MLLT1: variants seen among roughly 807,000 people sequenced by gnomAD.
MLLT1 encodes the protein protein ENL.
MLLT1 carries 11 observed loss-of-function variants against 55.1 expected under a neutral mutation model. The ratio of observed to expected loss-of-function variants is 0.20; its 90% CI spans 0.13 to 0.33. The LOEUF (loss-of-function observed/expected upper bound fraction) is 0.33. Among genes scored for constraint, MLLT1 ranks in the 10% least tolerant of loss-of-function variants. The pLI, the probability that MLLT1 is intolerant of heterozygous loss-of-function variation, is 1.00. For missense variants in MLLT1, 536 were observed against 760.6 expected (o/e 0.70, Z 3.47); for synonymous variants, 323 against 320.1 (o/e 1.01, Z -0.10).
At chr19:6,251,295 G>C (rs986139241) in intron 3 of MLLT1, among the ~76,000 whole-genome samples, 1 of 152,152 alleles carries the variant, frequency 6.6e-6, no homozygotes, top group Non-Finnish European at 1.5e-5. Context: ...ATGGGGGTGC[G>C]GCGGCACTTA....
At chr19:6,272,405 T>C (rs928087697) in intron 1 of MLLT1, among the ~76,000 whole-genome samples, 26 of 152,134 alleles carry the variant, frequency 1.7e-4, no homozygotes, top group African/African-American at 6.0e-4. Context: ...CTATCTCTCT[T>C]CATCTCTTCT....
rs759621252 is a variant in MLLT1, at chr19:6,270,659, C to G, written c.113G>C (p.Gly38Ala). The change falls in exon 2 of 12, where the codon GGC (glycine) becomes GCC (alanine). Residue 38 changes from glycine to alanine, a missense_variant. Transcript: ENST00000252674. The surrounding 1 kb of genome is among the most constrained non-coding windows in gnomAD (Gnocchi z 7.1). ...GTGCTGGATGTCACATTGCTCGGGG[C>G]CGCGGACAAACACCATCCAGTCGTG... is the stretch of plus-strand genomic sequence containing the variant. ...FTHDWMVFVR[G>A]PEQCDIQHFV... is the part of the protein sequence containing the mutation. 1 of 1,614,166 alleles carries G rather than the reference C, an allele frequency of 6.2e-7. No homozygotes were observed. The highest frequency in any genetic ancestry group is 1.3e-5 in the African/African-American group (1 of 75,058).
At chr19:6,267,598 T>C (rs2091359106) in intron 2 of MLLT1, among the ~76,000 whole-genome samples, 1 of 152,122 alleles carries the variant, frequency 6.6e-6, no homozygotes, top group Non-Finnish European at 1.5e-5. Flanking sequence ...CACACAGACC[T>C]GACTTTGAGC....
chr19:6,218,482 G>A (rs2090866906), intron 6 of MLLT1, among the ~76,000 whole-genome samples: 1 of 152,232 alleles, frequency 6.6e-6, no homozygotes, highest in Admixed American at 6.5e-5. Context: ...TTCTTGTTCT[G>A]ACCCAGTGCT....
At chr19:6,266,227 G>C (rs982693446) in intron 2 of MLLT1, among the ~76,000 whole-genome samples, 4 of 141,258 alleles carry the variant, frequency 2.8e-5, no homozygotes, top group African/African-American at 1.1e-4. Flanking sequence ...AGTAAGCTGT[G>C]ATCACAACAC....
chr19:6,270,826 C>T lies in MLLT1; in HGVS notation c.13-67G>A. On this transcript the variant is annotated intron_variant, in intron 1 of 11. Coordinates refer to ENST00000252674, the MANE Select transcript of MLLT1 (RefSeq NM_005934.4). This position sits in a 1 kb window ranked among gnomAD's most constrained non-coding sequence, Gnocchi z 7.1. ...TCCAAGCAGGGGACTGTCCCCTTAC[C>T]CACAGAGAACTTTCGATAAAGACCC... The T allele has an allele frequency of 6.8e-7, 1 of 1,461,516 alleles. No homozygotes were observed. The highest frequency in any genetic ancestry group is 9.2e-7 in the Non-Finnish European group (1 of 1,083,366). 90.5% of individuals were successfully genotyped at this position (1,461,516 alleles called of 1,614,324 possible). A position where few individuals can be genotyped will look rare whatever the true frequency, so the allele number is the denominator to read the frequency against.
chr19:6,227,994 C>T lies in MLLT1; in HGVS notation c.421-892G>A, dbSNP rs138147650. On this transcript the variant is annotated intron_variant, in intron 4 of 11. Transcript: ENST00000252674. The surrounding 1 kb of genome is among the most constrained non-coding windows in gnomAD (Gnocchi z 5.1). Reference sequence around the variant, plus strand: ...AACAGCCTTGAGCACCTGCAGTTCCCGGCCAGCCAAGCCTTTCATCTAAGG... The same window carrying T: ...AACAGCCTTGAGCACCTGCAGTTCCTGGCCAGCCAAGCCTTTCATCTAAGG... 4.6e-5 allele frequency among the ~76,000 whole-genome samples: 7 copies of T among 152,298 alleles called. No individual in the cohort carries two copies. In the East Asian group the frequency reaches 5.8e-4, roughly 13 times the overall value.
intron 3 of MLLT1, among the ~76,000 whole-genome samples, chr19:6,257,851 G>A (rs1294847960): frequency 6.6e-6 from 1 of 152,142 alleles, no homozygotes; most frequent in Non-Finnish European, 1.5e-5. Context: ...CATTTCTCGA[G>A]AAAGAGATAC....
intron 1 of MLLT1, among the ~76,000 whole-genome samples, chr19:6,272,788 A>G (rs1168670527): frequency 6.6e-6 from 1 of 152,220 alleles, no homozygotes; most frequent in Non-Finnish European, 1.5e-5. Context: ...ATGGTGGCAG[A>G]TAAGGACAGG....
At position 6,262,691 on chromosome 19, in the gene MLLT1, C is replaced by T. The variant is rs1015165462; in HGVS notation, c.194-381G>A. On this transcript the variant is annotated intron_variant, in intron 2 of 11. Coordinates refer to ENST00000252674, the MANE Select transcript of MLLT1 (RefSeq NM_005934.4). This position sits in a 1 kb window ranked among gnomAD's most constrained non-coding sequence, Gnocchi z 4.4. Reference sequence around the variant, plus strand: ...AGCGTGACCTGGGTGAGGTGTGAAACCCAGCAGGGAGGGCCACACACTCTA... The same window carrying T: ...AGCGTGACCTGGGTGAGGTGTGAAATCCAGCAGGGAGGGCCACACACTCTA... 6.6e-6 allele frequency among the ~76,000 whole-genome samples: 1 copy of T among 151,962 alleles called. No homozygotes were observed. Among genetic ancestry groups the T allele is most frequent in the African/African-American group, 2.4e-5 (1 of 41,340 alleles).
chr19:6,233,683 GGA>G (rs1028290535), intron 3 of MLLT1, among the ~76,000 whole-genome samples: 1 of 152,264 alleles, frequency 6.6e-6, no homozygotes, highest in Non-Finnish European at 1.5e-5. Flanking sequence ...AGGACTATGT[GGA>G]GGGATGCCAG....
Position 6,226,873 on chromosome 19 carries a change from G to C in MLLT1, c.546+104C>G. The C allele has an allele frequency of 1.1e-6, 1 of 902,454 alleles. No homozygotes were observed. Among genetic ancestry groups the C allele is most frequent in the Non-Finnish European group, 1.6e-6 (1 of 633,798 alleles). 55.9% of individuals were successfully genotyped at this position (902,454 alleles called of 1,614,324 possible). The stretch of plus-strand genomic sequence containing the variant: ...AAAGAGGAAGACGCCAAGGGAGCGA[G>C]CAGGTGCGGAAGGCCCAGCCCAGTG... On this transcript the variant is annotated intron_variant, in intron 5 of 11. Coordinates refer to ENST00000252674, the MANE Select transcript of MLLT1 (RefSeq NM_005934.4). The surrounding 1 kb of genome is among the most constrained non-coding windows in gnomAD (Gnocchi z 6.3).
At chr19:6,228,024 T>C (rs2090971122) in intron 4 of MLLT1, among the ~76,000 whole-genome samples, 1 of 152,224 alleles carries the variant, frequency 6.6e-6, no homozygotes, top group Admixed American at 6.5e-5. Flanking sequence ...CTAAGGACAC[T>C]GATGTCATGC....
At position 6,212,707 on chromosome 19, in the gene MLLT1, C is replaced by G. The variant is rs915440970; in HGVS notation, c.*335G>C. The G allele has an allele frequency of 3.5e-6, 4 of 1,143,970 alleles. No individual in the cohort carries two copies. The highest frequency in any genetic ancestry group is 4.3e-6 in the Non-Finnish European group (4 of 929,158). The allele number at this position is 1,143,970 out of a possible 1,614,324, so 70.9% of individuals were successfully genotyped here. A position where few individuals can be genotyped will look rare whatever the true frequency, so the allele number is the denominator to read the frequency against. ...GCTGGGGCAGCGACGCCGCACAGCC[C>G]GCCGAGCAGTGGGGGCTGGTCCCAA... On this transcript the variant is annotated 3_prime_UTR_variant, in exon 12 of 12. Coordinates refer to ENST00000252674, the MANE Select transcript of MLLT1 (RefSeq NM_005934.4).
chr19:6,214,516 C>T (rs996189118), intron 8 of MLLT1, among the ~76,000 whole-genome samples: 3 of 152,198 alleles, frequency 2.0e-5, no homozygotes, highest in Non-Finnish European at 4.4e-5. Flanking sequence ...CACATCGGCC[C>T]CCCTGACCCT....
At position 6,212,881 on chromosome 19, in the gene MLLT1, G is replaced by T; in HGVS notation, c.*161C>A. The T allele has an allele frequency of 9.5e-7, 1 of 1,050,360 alleles. No individual in the cohort carries two copies. Among genetic ancestry groups the T allele is most frequent in the Non-Finnish European group, 1.3e-6 (1 of 752,662 alleles). 65.1% of individuals were successfully genotyped at this position (1,050,360 alleles called of 1,614,324 possible). The stretch of plus-strand genomic sequence containing the variant: ...TCCTGGCGATGGAGCGGGGAGAGTG[G>T]GCAGGGAGCCGCCGAGGAAAGTGCA... On this transcript the variant is annotated 3_prime_UTR_variant, in exon 12 of 12. Coordinates refer to ENST00000252674, the MANE Select transcript of MLLT1 (RefSeq NM_005934.4).
intron 2 of MLLT1, among the ~76,000 whole-genome samples, chr19:6,267,108 AT>A (rs905699120): frequency 1.4e-4 from 21 of 148,866 alleles, no homozygotes; most frequent in Middle Eastern, 3.4e-3. Context: ...CTCTAAAAGA[AT>A]TTTTTTTTTT....
intron 3 of MLLT1, among the ~76,000 whole-genome samples, chr19:6,257,299 G>C (rs1313544465): frequency 1.3e-5 from 2 of 151,788 alleles, no homozygotes; most frequent in African/African-American, 2.4e-5. Flanking sequence ...CTTGAGCCTA[G>C]GAAGTCAGGG....
chr19:6,255,459 C>G (rs1345469572), intron 3 of MLLT1, among the ~76,000 whole-genome samples: 1 of 152,174 alleles, frequency 6.6e-6, no homozygotes, highest in African/African-American at 2.4e-5. Flanking sequence ...TGCCACTGCA[C>G]TCCAGCCTAG....
Sources: allele counts gnomAD v4.1 joint callset (sites outside exome capture counted in the v4.1 genomes callset), GRCh38; gene constraint gnomAD v4.1.1; non-coding constraint Gnocchi (gnomAD v3.1); transcripts MANE v1.5; gene names NCBI Gene and HGNC (gene_info 2026-07-23, HGNC 2026-07-21).